SNTG1: variants seen among roughly 807,000 people sequenced by gnomAD.
SNTG1 encodes syntrophin gamma 1.
SNTG1 carries 39 observed loss-of-function variants against 74.7 expected under a neutral mutation model. The observed-to-expected ratio is 0.52, with a 90% confidence interval of 0.40 to 0.68. SNTG1 has a LOEUF of 0.68. Ranked by LOEUF, SNTG1 falls within the 30% of genes least tolerant of loss-of-function variation. SNTG1 has a pLI of 0.00. For synonymous variants in SNTG1, 254 were observed against 217.1 expected (o/e 1.17, Z -1.49); for missense variants, 685 against 609.5 (o/e 1.12, Z -1.30).
intron 2 of SNTG1, among the ~76,000 whole-genome samples, chr8:50,371,606 CCTACCA>C (rs2092269829): frequency 6.6e-6 from 1 of 152,150 alleles, no homozygotes; most frequent in African/African-American, 2.4e-5. Flanking sequence ...GTCTCACTGA[CCTACCA>C]CTACTAAAAA....
chr8:50,584,512 C>CT (rs34546157), intron 12 of SNTG1, among the ~76,000 whole-genome samples: 76,440 of 126,512 alleles, frequency 0.6, 25,017 homozygotes, highest in Non-Finnish European at 0.72. Flanking sequence ...TTCTCTGATT[C>CT]TTTTTTTTTT....
At chr8:50,314,793 C>A (rs2090252406) in intron 2 of SNTG1, among the ~76,000 whole-genome samples, 1 of 149,778 alleles carries the variant, frequency 6.7e-6, no homozygotes, top group African/African-American at 2.5e-5. Flanking sequence ...TTTGTGTAAT[C>A]TCCCCAGTTA....
rs199575317 is a variant in SNTG1, at chr8:50,314,281, A to G, written c.-27-79931A>G. 4.7e-5 allele frequency among the ~76,000 whole-genome samples: 7 copies of G among 149,080 alleles called. No individual in the cohort carries two copies. In the East Asian group the frequency reaches 1.4e-3, roughly 30 times the overall value. On this transcript the variant is annotated intron_variant, in intron 2 of 18. Coordinates refer to ENST00000642720, the MANE Select transcript of SNTG1 (RefSeq NM_018967.5). ...TTTTTTTAATTCCCTGGCTCATTTA[A>G]AGTTTTCCTTTTTATCTCTTGTTTT...
chr8:50,150,113 C>G (rs1328106198), intron 1 of SNTG1, among the ~76,000 whole-genome samples: 1 of 152,028 alleles, frequency 6.6e-6, no homozygotes, highest in Non-Finnish European at 1.5e-5. Context: ...CTTCACATCC[C>G]TTGTAAGTTG....
intron 1 of SNTG1, among the ~76,000 whole-genome samples, chr8:50,149,788 C>G (rs929098116): frequency 5.9e-5 from 9 of 152,054 alleles, no homozygotes. Context: ...CTGTTTTGGT[C>G]ACTGTAGCCT....
At chr8:49,929,779 A>G (rs902687628) in intron 1 of SNTG1, among the ~76,000 whole-genome samples, 1 of 151,676 alleles carries the variant, frequency 6.6e-6, no homozygotes, top group Admixed American at 6.6e-5. Context: ...GGTTAGTTAC[A>G]TATGTATACA....
chr8:50,221,160 A>G (rs2085043634), intron 2 of SNTG1, among the ~76,000 whole-genome samples: 1 of 152,220 alleles, frequency 6.6e-6, no homozygotes, highest in Admixed American at 6.5e-5. Context: ...CTCATGGTTT[A>G]AAGAGGAAAT....
intron 2 of SNTG1, among the ~76,000 whole-genome samples, chr8:50,198,394 T>C (rs2083860406): frequency 2.6e-5 from 4 of 152,154 alleles, no homozygotes; most frequent in Non-Finnish European, 4.4e-5. Context: ...TCTCTGGAAA[T>C]AGGATAGGCA....
At chr8:50,194,636 T>G (rs2083697415) in intron 2 of SNTG1, among the ~76,000 whole-genome samples, 1 of 152,116 alleles carries the variant, frequency 6.6e-6, no homozygotes, top group Admixed American at 6.6e-5. Flanking sequence ...TTTCATTTAT[T>G]TTTTGTACTT....
In SNTG1 at chr8:50,566,159, G is replaced by T. The variant is rs183194184; in HGVS notation, c.810+12980G>T. 3.2e-4 allele frequency among the ~76,000 whole-genome samples: 48 copies of T among 151,776 alleles called. No individual in the cohort carries two copies. The East Asian group carries it at 6.2e-3, about 20-fold the overall frequency. The stretch of plus-strand genomic sequence containing the variant: ...TCATAGAAAAATTTTGTTTTGTCTG[G>T]TATCCTTGCTTAATAAAAGAAAAGG... On this transcript the variant is annotated intron_variant, in intron 12 of 18. Coordinates refer to ENST00000642720, the MANE Select transcript of SNTG1 (RefSeq NM_018967.5).
At chr8:50,369,812 G>A (rs773351965) in intron 2 of SNTG1, among the ~76,000 whole-genome samples, 10 of 152,088 alleles carry the variant, frequency 6.6e-5, no homozygotes, top group Non-Finnish European at 1.2e-4. Context: ...TATTTATTAT[G>A]GCAGCCCAAA....
At chr8:49,970,894 C>T (rs1563412241) in intron 1 of SNTG1, among the ~76,000 whole-genome samples, 1 of 152,166 alleles carries the variant, frequency 6.6e-6, no homozygotes, top group Non-Finnish European at 1.5e-5. Context: ...CAACTCCCAG[C>T]TGGGTTCAGA....
chr8:50,223,736 A>C (rs2085183693), intron 2 of SNTG1, among the ~76,000 whole-genome samples: 1 of 152,174 alleles, frequency 6.6e-6, no homozygotes, highest in African/African-American at 2.4e-5. Context: ...GTGCATTTTC[A>C]AAAGAGCTAC....
At chr8:49,969,387 CTTTTTT>C (rs575026898) in intron 1 of SNTG1, among the ~76,000 whole-genome samples, 42 of 47,196 alleles carry the variant, frequency 8.9e-4, no homozygotes, top group Admixed American at 5.2e-3. Flanking sequence ...TTCATTTAAT[CTTTTTT>C]TTTTTTTTTT....
intron 1 of SNTG1, among the ~76,000 whole-genome samples, chr8:50,132,982 GACATAGTATCTTAGT>G (rs2081362881): frequency 6.6e-6 from 1 of 152,096 alleles, no homozygotes; most frequent in Admixed American, 6.6e-5. Flanking sequence ...CCGTCTCCAG[GACATAGTATCTTAGT>G]ACCCTAGAGA....
At chr8:50,709,764 C>T (rs534990732) in intron 17 of SNTG1, among the ~76,000 whole-genome samples, 6 of 152,200 alleles carry the variant, frequency 3.9e-5, no homozygotes, top group Admixed American at 1.3e-4. Context: ...CCATGGAAGA[C>T]ATCCTCTTCC....
At chr8:50,742,919 C>T (rs1236990562) in intron 17 of SNTG1, among the ~76,000 whole-genome samples, 1 of 151,486 alleles carries the variant, frequency 6.6e-6, no homozygotes, top group South Asian at 2.1e-4. Context: ...AATTTGATAA[C>T]CTAGATGAAA....
intron 8 of SNTG1, chr8:50,491,483 G>A (rs1210343020): frequency 6.6e-6 from 1 of 152,270 alleles, no homozygotes; most frequent in Non-Finnish European, 1.5e-5. Flanking sequence ...ACGACAGAAA[G>A]CCCCAGCGAG....
chr8:50,308,184 T>C (rs988362566), intron 2 of SNTG1, among the ~76,000 whole-genome samples: 1 of 151,788 alleles, frequency 6.6e-6, no homozygotes, highest in African/African-American at 2.4e-5. Flanking sequence ...CTTCAGACTT[T>C]ATCAGAGACC....
Sources: gnomAD v4.1 joint callset for allele counts (sites outside exome capture counted in the v4.1 genomes callset) on GRCh38, gnomAD v4.1.1 for gene constraint, MANE v1.5 for transcripts, NCBI Gene and HGNC (gene_info 2026-07-23, HGNC 2026-07-21) for gene names.